Variants in MAPK10 observed in about 807,000 individuals in gnomAD.
MAPK10 encodes mitogen-activated protein kinase 10.
In MAPK10, 25 loss-of-function variants were observed where a neutral mutation model predicts 59.3. That is an observed-to-expected ratio of 0.42 (90% confidence interval 0.31 to 0.59). The LOEUF (loss-of-function observed/expected upper bound fraction) is 0.59, where lower values mean the gene tolerates loss of function less well. MAPK10 is among the 20% of genes least tolerant of loss of function. The pLI, the probability that MAPK10 is intolerant of heterozygous loss-of-function variation, is 0.15. For missense variants in MAPK10, 351 were observed against 568.9 expected (o/e 0.62, Z 3.90); for synonymous variants, 190 against 200.5 (o/e 0.95, Z 0.44).
At chr4:86,155,851 T>A (rs2067616851) in intron 4 of MAPK10, among the ~76,000 whole-genome samples, 1 of 152,044 alleles carries the variant, frequency 6.6e-6, no homozygotes, top group Non-Finnish European at 1.5e-5. Context: ...GGAGCCGTTA[T>A]TAATTAAAAT....
chr4:86,136,195 A>T (rs1399842251), intron 4 of MAPK10, among the ~76,000 whole-genome samples: 2 of 152,156 alleles, frequency 1.3e-5, no homozygotes, highest in East Asian at 3.9e-4. Flanking sequence ...TGCCACAAAG[A>T]TACTCCTCGA....
At chr4:86,448,773 C>G (rs1036857350) in intron 1 of MAPK10, among the ~76,000 whole-genome samples, 1 of 152,086 alleles carries the variant, frequency 6.6e-6, no homozygotes, top group African/African-American at 2.4e-5. Context: ...CACATTATTT[C>G]TATTATTATT....
At chr4:86,312,780 A>T (rs879607685) in intron 2 of MAPK10, among the ~76,000 whole-genome samples, 2 of 152,132 alleles carry the variant, frequency 1.3e-5, no homozygotes, top group African/African-American at 4.8e-5. Context: ...ACCAGACAGG[A>T]AATTGATTTG....
upstream of MAPK10, among the ~76,000 whole-genome samples, chr4:86,454,383 G>A (rs1422484278): frequency 6.6e-6 from 1 of 152,054 alleles, no homozygotes; most frequent in African/African-American, 2.4e-5. Context: ...AAAAGTGAAG[G>A]GAGAAATAGT....
At chr4:86,558,979 T>C (rs78258588) in intron 1 of MAPK10, among the ~76,000 whole-genome samples, 7,132 of 152,210 alleles carry the variant, frequency 0.047, 220 homozygotes, top group African/African-American at 0.059. Flanking sequence ...TCATGATGGC[T>C]TGTTCAGGCT....
Position 86,029,233 on chromosome 4 carries a change from T to C in MAPK10, c.1216A>G (p.Lys406Glu). 1 of 1,611,644 alleles carries C rather than the reference T, an allele frequency of 6.2e-7. No individual in the cohort carries two copies. The highest frequency in any genetic ancestry group is 8.5e-7 in the Non-Finnish European group (1 of 1,178,128). Residue 406 changes from lysine (K) to glutamate (E), a missense_variant, in exon 13 of 14, where the codon AAA becomes GAA. This residue lies in a region of MAPK10 where 155 missense variants were observed against 204.2 expected (regional missense o/e 0.76). Coordinates refer to ENST00000641462, the MANE Select transcript of MAPK10 (RefSeq NM_138982.4). The stretch of plus-strand genomic sequence containing the variant: ...GGCTGTCCTTTTACTACACCATTTT[T>C]AGTCTTTTCTTCTGAATTCATTACT... ...KEVMNSEEKT[K>E]NGVVKGQPSP... is the part of the protein sequence containing the mutation.
intron 13 of MAPK10, chr4:86,027,073 C>T (rs1750685297): frequency 6.6e-6 from 1 of 152,140 alleles, no homozygotes; most frequent in Non-Finnish European, 1.5e-5. Context: ...GCCCTAGAGC[C>T]TCTCCATCAT....
chr4:86,342,242 A>G lies in MAPK10; in HGVS notation c.-7+12288T>C, dbSNP rs141384803. Among the ~76,000 whole-genome samples, 13 of 152,312 alleles carry G rather than the reference A, an allele frequency of 8.5e-5. 1 individual carries two copies. Among genetic ancestry groups the G allele is most frequent in the African/African-American group, 2.9e-4 (12 of 41,580 alleles). ...AATAATGAGATACAATGAAATTCAA[A>G]TACTGTTAAAATGACTTCTCTACTA... On this transcript the variant is annotated intron_variant, in intron 2 of 13. Transcript: ENST00000641462.
At chr4:86,258,449 G>A (rs2093846225) in intron 2 of MAPK10, among the ~76,000 whole-genome samples, 1 of 152,100 alleles carries the variant, frequency 6.6e-6, no homozygotes, top group Non-Finnish European at 1.5e-5. Flanking sequence ...TACCCCCACT[G>A]TATCTATAAT....
chr4:86,502,998 C>G (rs77236674), intron 1 of MAPK10, among the ~76,000 whole-genome samples: 1 of 152,010 alleles, frequency 6.6e-6, no homozygotes. Context: ...CAGAAGATTA[C>G]AGTTTCCAAT....
chr4:86,591,823 T>C (rs1763067870), intron 1 of MAPK10, among the ~76,000 whole-genome samples: 1 of 152,208 alleles, frequency 6.6e-6, no homozygotes, highest in Admixed American at 6.5e-5. Context: ...ATTTCTATTT[T>C]ATATCTAATT....
intron 1 of MAPK10, among the ~76,000 whole-genome samples, chr4:86,496,835 G>C (rs1579399032): frequency 6.6e-6 from 1 of 151,792 alleles, no homozygotes. Context: ...ATACTCCTTT[G>C]CTGGAGGGCT....
upstream of MAPK10, among the ~76,000 whole-genome samples, chr4:86,362,817 A>G (rs545721900): frequency 6.6e-6 from 1 of 152,300 alleles, no homozygotes; most frequent in South Asian, 2.1e-4. Flanking sequence ...GGACATGGAA[A>G]ACCAGAACTC....
chr4:86,299,068 T>A (rs990745865), intron 2 of MAPK10, among the ~76,000 whole-genome samples: 1 of 152,244 alleles, frequency 6.6e-6, no homozygotes, highest in Non-Finnish European at 1.5e-5. Flanking sequence ...CTTCTTGATA[T>A]GTGTCTAAAA....
chr4:86,190,080 C>T (rs1412542435), intron 3 of MAPK10, among the ~76,000 whole-genome samples: 1 of 152,176 alleles, frequency 6.6e-6, no homozygotes, highest in Non-Finnish European at 1.5e-5. Context: ...AACACCCTTG[C>T]ATCCCAGGGA....
chr4:86,391,634 A>G (rs570275976), intron 1 of MAPK10, among the ~76,000 whole-genome samples: 4 of 152,310 alleles, frequency 2.6e-5, no homozygotes, highest in Admixed American at 6.5e-5. Context: ...GAAGGCAAGA[A>G]TCCTTCATCT....
At position 86,277,097 on chromosome 4, in the gene MAPK10, A is replaced by G. The variant is rs1429901190; in HGVS notation, c.-7+77433T>C. ...TCCTCTCCAACCAGAAATATGTTGG[A>G]TCCTGCTCATACCAGCTCTCTAGCA... On this transcript the variant is annotated intron_variant, in intron 2 of 13. Transcript: ENST00000641462. 2.0e-5 allele frequency: 3 copies of G among 150,918 alleles called. No individual in the cohort carries two copies. In the East Asian group the frequency reaches 5.8e-4, roughly 29 times the overall value. 9.3% of individuals were successfully genotyped at this position (150,918 alleles called of 1,614,324 possible).
intron 1 of MAPK10, among the ~76,000 whole-genome samples, chr4:86,479,484 A>AAC (rs1408092162): frequency 1.3e-5 from 2 of 151,602 alleles, no homozygotes; most frequent in Non-Finnish European, 2.9e-5. Context: ...CAAAAAAAAA[A>AAC]AAAAACTTGT....
Position 86,354,652 on chromosome 4 carries a change from C to G in MAPK10, c.-121-8G>C. On this transcript the variant is annotated splice_region_variant and splice_polypyrimidine_tract_variant and intron_variant, in intron 1 of 13. Transcript: ENST00000641462. Reference sequence around the variant, plus strand: ...GGTGTTTCTCACACTAGCCTGAAAGCAAAGCCAAAAAACAGATGAGTTTGA... The same window carrying G: ...GGTGTTTCTCACACTAGCCTGAAAGGAAAGCCAAAAAACAGATGAGTTTGA... The G allele has an allele frequency of 8.9e-7, 1 of 1,121,100 alleles. No homozygotes were observed. The highest frequency in any genetic ancestry group is 1.1e-6 in the Non-Finnish European group (1 of 886,882). The allele number at this position is 1,121,100 out of a possible 1,614,324, so 69.4% of individuals were successfully genotyped here. A position where few individuals can be genotyped will look rare whatever the true frequency, so the allele number is the denominator to read the frequency against.
Sources: allele counts gnomAD v4.1 joint callset (sites outside exome capture counted in the v4.1 genomes callset), GRCh38; gene constraint gnomAD v4.1.1; regional missense constraint gnomAD v4.1.1; transcripts MANE v1.5; gene names NCBI Gene and HGNC (gene_info 2026-07-23, HGNC 2026-07-21).